The following ATP11C variants were observed in gnomAD, a reference collection of about 807,000 sequenced individuals.
ATP11C encodes ATPase phospholipid transporting 11C (ATP11C blood group).
ATP11C carries 36 observed loss-of-function variants against 97.4 expected under a neutral mutation model. The ratio of observed to expected loss-of-function variants is 0.37; its 90% CI spans 0.28 to 0.49. ATP11C has a LOEUF of 0.49. ATP11C is among the 20% of genes least tolerant of loss of function. The pLI, the probability that ATP11C is intolerant of heterozygous loss-of-function variation, is 0.98. For synonymous variants in ATP11C, 275 were observed against 290.9 expected, an observed-to-expected ratio of 0.95 and a Z score of 0.56; for missense variants, 730 against 824.6, an observed-to-expected ratio of 0.89 and a Z score of 1.40.
At chrX:139,859,595 T>A (rs1321310061) in intron 1 of ATP11C, among the ~76,000 whole-genome samples, 1 of 111,989 alleles carries the variant, frequency 8.9e-6, no homozygotes, top group African/African-American at 3.2e-5. Flanking sequence ...ATTGCAACCT[T>A]AATGTGTTAC....
intron 26 of ATP11C, among the ~76,000 whole-genome samples, chrX:139,742,874 AAAATATATATATATAT>A (rs1480836759): frequency 0.052 from 1,258 of 24,163 alleles, 9 homozygotes; most frequent in South Asian, 0.18. Context: ...TAAAAAAAAA[AAAATATATATATATAT>A]ATATATATAT....
intron 14 of ATP11C, among the ~76,000 whole-genome samples, 191 bp downstream of exon 14, chrX:139,788,001 A>G (rs1346084696): frequency 8.9e-6 from 1 of 111,996 alleles, no homozygotes; most frequent in East Asian, 2.8e-4. Flanking sequence ...ACCTGTAACT[A>G]TTTTCTTTTT....
intron 12 of ATP11C, among the ~76,000 whole-genome samples, chrX:139,792,031 C>T (rs1385785864): frequency 9.0e-6 from 1 of 110,547 alleles, no homozygotes; most frequent in Non-Finnish European, 1.9e-5. Flanking sequence ...TAGATAGCTT[C>T]AGGATGAGTG....
chrX:139,813,265 CT>C (rs1157806629), intron 5 of ATP11C, among the ~76,000 whole-genome samples: 1 of 112,011 alleles, frequency 8.9e-6, no homozygotes, highest in Non-Finnish European at 1.9e-5. Flanking sequence ...ATACAAAGCA[CT>C]GAGAACATCA....
In ATP11C at chrX:139,820,830, A is replaced by G. The variant is rs750082599; in HGVS notation, c.148-1403T>C. ...TTTTCAGATGACCTAGTAAGACCAG[A>G]AACTAGAAAGAAAGAAATGTTTCTT... is the stretch of plus-strand genomic sequence containing the variant. On this transcript the variant is annotated intron_variant, in intron 2 of 29. Transcript: ENST00000682941. Among the ~76,000 whole-genome samples the G allele has an allele frequency of 1.0e-3, 112 of 111,751 alleles. 1 individual carries two copies. The highest frequency in any genetic ancestry group is 3.8e-3 in the South Asian group (10 of 2,652).
Position 139,727,867 on chromosome X carries a change from A to T in ATP11C, c.*1099T>A, listed in dbSNP as rs2081276947. Reference sequence around the variant, plus strand: ...TAGAGTTAGACCATTTCCCTGTCCAAGTTAAGAGACAACATTCATCTTCAC... The same window carrying T: ...TAGAGTTAGACCATTTCCCTGTCCATGTTAAGAGACAACATTCATCTTCAC... On this transcript the variant is annotated 3_prime_UTR_variant, in exon 30 of 30. Coordinates refer to ENST00000682941, the MANE Select transcript of ATP11C (RefSeq NM_001353812.2). 1 of 112,194 alleles carries T rather than the reference A, an allele frequency of 8.9e-6. No individual in the cohort carries two copies. Among genetic ancestry groups the T allele is most frequent in the Admixed American group, 9.5e-5 (1 of 10,524 alleles). 9.2% of individuals were successfully genotyped at this position (112,194 alleles called of 1,213,427 possible). A position where few individuals can be genotyped will look rare whatever the true frequency, so the allele number is the denominator to read the frequency against.
In ATP11C at chrX:139,802,270, T is replaced by C. The variant is rs757468405; in HGVS notation, c.625A>G (p.Ile209Val). 2 of 1,208,877 alleles carry C rather than the reference T, an allele frequency of 1.7e-6. No individual in the cohort carries two copies. The highest frequency in any genetic ancestry group is 2.2e-6 in the Non-Finnish European group (2 of 892,849). ...TCAGGTTGAGGCTGTTCACATTCAATTGCTGCTCGGAGGGTATCGATGGAT... is the reference window on the plus strand; with the variant it reads ...TCAGGTTGAGGCTGTTCACATTCAACTGCTGCTCGGAGGGTATCGATGGAT... Reference protein sequence around the residue: ...AESIDTLRAAIECEQPQPDLY... With the variant: ...AESIDTLRAAVECEQPQPDLY... Residue 209 changes from isoleucine (I) to valine (V), a missense_variant, in exon 7 of 30, where the codon ATT (isoleucine) becomes GTT (valine). By Grantham distance (29) the Ile-to-Val change is conservative (BLOSUM62 3). Transcript: ENST00000682941.
chrX:139,862,884 T>G (rs770607899), intron 1 of ATP11C, among the ~76,000 whole-genome samples: 1 of 112,055 alleles, frequency 8.9e-6, no homozygotes, highest in African/African-American at 3.2e-5. Context: ...TAAAAATGCC[T>G]TAGGCACATG....
chrX:139,846,698 C>A (rs188117536), intron 1 of ATP11C, among the ~76,000 whole-genome samples: 40 of 111,100 alleles, frequency 3.6e-4, no homozygotes, highest in African/African-American at 1.2e-3. Context: ...AGGATTTTGG[C>A]TACATTTCTA....
At chrX:139,911,440 T>C (rs1373965196) in intron 1 of ATP11C, among the ~76,000 whole-genome samples, 2 of 111,653 alleles carry the variant, frequency 1.8e-5, no homozygotes, top group Non-Finnish European at 3.8e-5. Context: ...TCACACACAA[T>C]AGATTGGCAA....
intron 8 of ATP11C, 38 bp downstream of exon 8, chrX:139,800,022 C>T (rs756016803): frequency 1.3e-5 from 8 of 600,055 alleles, no homozygotes; most frequent in South Asian, 2.4e-5. Flanking sequence ...GACCCCCCCC[C>T]CCAACCAAAG....
At chrX:139,826,482 A>G (rs372354539) in intron 2 of ATP11C, among the ~76,000 whole-genome samples, 2 of 111,506 alleles carry the variant, frequency 1.8e-5, no homozygotes, top group Non-Finnish European at 3.8e-5. Context: ...ACTGTGAATC[A>G]TAACGGAAGG....
chrX:139,773,449 G>A (rs925253174), intron 19 of ATP11C, among the ~76,000 whole-genome samples: 2 of 111,156 alleles, frequency 1.8e-5, no homozygotes, highest in African/African-American at 6.6e-5. Context: ...CAACCATGCT[G>A]GCACTCCAAT....
At chrX:139,768,571 A>G (rs1346723799) in intron 19 of ATP11C, 137 bp from the exon 20 acceptor site, 3 of 345,358 alleles carry the variant, frequency 8.7e-6, no homozygotes, top group Non-Finnish European at 1.4e-5. Flanking sequence ...TGTTCACTCT[A>G]AAGAAGCAAC....
intron 5 of ATP11C, among the ~76,000 whole-genome samples, chrX:139,810,460 C>A (rs1045578772): frequency 4.5e-5 from 5 of 111,421 alleles, no homozygotes; most frequent in African/African-American, 1.3e-4. Flanking sequence ...CATCTCAAAA[C>A]AAAATAATAA....
intron 23 of ATP11C, 95 bp from the exon 24 acceptor site, chrX:139,750,247 T>C (rs1603341921): frequency 2.3e-6 from 2 of 880,885 alleles, no homozygotes; most frequent in African/African-American, 4.0e-5. Context: ...CTAGCTAAAA[T>C]AAGAAATTTT....
intron 1 of ATP11C, among the ~76,000 whole-genome samples, chrX:139,847,939 T>C (rs1291128247): frequency 9.0e-6 from 1 of 110,917 alleles, no homozygotes; most frequent in Non-Finnish European, 1.9e-5. Flanking sequence ...CATGGCATCA[T>C]TCCTTTAGTT....
At chrX:139,934,553 T>A (rs1329950470), upstream of ATP11C, among the ~76,000 whole-genome samples, 2 of 82,706 alleles carry the variant, frequency 2.4e-5, no homozygotes, top group African/African-American at 9.8e-5. Context: ...TAGCTTTACC[T>A]TTTTTTTTTT....
chrX:139,784,966 C>T (rs1343587786), intron 16 of ATP11C, among the ~76,000 whole-genome samples: 1 of 111,860 alleles, frequency 8.9e-6, no homozygotes, highest in Non-Finnish European at 1.9e-5. Flanking sequence ...CCTGTTCGAA[C>T]ACCCAAGGCA....
Sources: gnomAD v4.1 joint callset for allele counts (sites outside exome capture counted in the v4.1 genomes callset) on GRCh38, gnomAD v4.1.1 for gene constraint, MANE v1.5 for transcripts, NCBI Gene and HGNC (gene_info 2026-07-23, HGNC 2026-07-21) for gene names.